STK32B: variants seen among roughly 807,000 people sequenced by gnomAD.
STK32B encodes serine/threonine kinase 32B, also known as serine/threonine-protein kinase 32B.
STK32B carries 43 observed loss-of-function variants against 52.6 expected under a neutral mutation model. The observed-to-expected ratio is 0.82, with a 90% CI of 0.64 to 1.05. STK32B has a LOEUF of 1.05. Ranked by LOEUF, STK32B falls within the 50% of genes least tolerant of loss-of-function variation. STK32B has a pLI of 0.00. For missense variants in STK32B, 621 were observed against 534.6 expected, an observed-to-expected ratio of 1.16 and a Z score of -1.59; for synonymous variants, 238 against 204.3, an observed-to-expected ratio of 1.17 and a Z score of -1.41.
chr4:5,248,886 G>T (rs1342331142), intron 3 of STK32B, among the ~76,000 whole-genome samples: 1 of 151,414 alleles, frequency 6.6e-6, no homozygotes, highest in African/African-American at 2.4e-5. Flanking sequence ...GAGAACACTT[G>T]GACGCAGGAA....
At chr4:5,388,056 T>C (rs1736369172) in intron 4 of STK32B, among the ~76,000 whole-genome samples, 1 of 152,204 alleles carries the variant, frequency 6.6e-6, no homozygotes, top group African/African-American at 2.4e-5. Context: ...CTTCTGCCAC[T>C]TTTTAACTAT....
chr4:5,291,160 G>T (rs187094971), intron 3 of STK32B, among the ~76,000 whole-genome samples: 279 of 152,094 alleles, frequency 1.8e-3, no homozygotes, highest in African/African-American at 6.2e-3. Flanking sequence ...TGTATCTCTT[G>T]CATGTCCATA....
At chr4:5,238,244 G>T (rs189204031) in intron 3 of STK32B, among the ~76,000 whole-genome samples, 1 of 152,120 alleles carries the variant, frequency 6.6e-6, no homozygotes, top group East Asian at 1.9e-4. Flanking sequence ...CTGTGGGAGA[G>T]GCTCCTTCCT....
chr4:5,493,502 A>G (rs1353469063), intron 11 of STK32B, among the ~76,000 whole-genome samples: 1 of 151,862 alleles, frequency 6.6e-6, no homozygotes, highest in Non-Finnish European at 1.5e-5. Flanking sequence ...GCAGTCTATC[A>G]ATTTTGTTGA....
At chr4:5,210,518 C>G (rs1722843778) in intron 3 of STK32B, among the ~76,000 whole-genome samples, 1 of 152,162 alleles carries the variant, frequency 6.6e-6, no homozygotes, top group Non-Finnish European at 1.5e-5. Context: ...CAAACCTGCA[C>G]TGTTGTACTT....
intron 6 of STK32B, among the ~76,000 whole-genome samples, chr4:5,421,781 C>T (rs1712671655): frequency 6.6e-6 from 1 of 152,220 alleles, no homozygotes; most frequent in Admixed American, 6.5e-5. Context: ...GACCTCGCTA[C>T]CTGCCTGTCT....
At chr4:5,061,092 C>G (rs1033191165) in intron 1 of STK32B, among the ~76,000 whole-genome samples, 2 of 152,084 alleles carry the variant, frequency 1.3e-5, no homozygotes, top group African/African-American at 2.4e-5. Context: ...TGACATTTTC[C>G]CCTTCTCCTT....
chr4:5,192,873 C>A (rs1218467982), intron 3 of STK32B, among the ~76,000 whole-genome samples: 1 of 152,208 alleles, frequency 6.6e-6, no homozygotes, highest in East Asian at 1.9e-4. Flanking sequence ...TGGCATCTCC[C>A]CTCCACCCAG....
In STK32B at chr4:5,248,652, A is replaced by C. The variant is rs61183548; in HGVS notation, c.260+80202A>C. Among the ~76,000 whole-genome samples the C allele has an allele frequency of 7.8e-3, 1,192 of 152,276 alleles. 9 individuals are homozygous for C. The highest frequency in any genetic ancestry group is 0.02 in the Admixed American group (309 of 15,298). On this transcript the variant is annotated intron_variant, in intron 3 of 11. Coordinates refer to ENST00000282908, the MANE Select transcript of STK32B (RefSeq NM_018401.3). ...AAAGATACTGTGCCTTACTATTCAC[A>C]ATAGCAAAGACTTGGAACCAACCCA...
At chr4:5,305,322 ACTTT>A (rs1729854396) in intron 3 of STK32B, among the ~76,000 whole-genome samples, 1 of 151,950 alleles carries the variant, frequency 6.6e-6, no homozygotes, top group African/African-American at 2.4e-5. Flanking sequence ...TTGGCCCTGC[ACTTT>A]CTTTCCTTGG....
chr4:5,130,973 A>C (rs1248450474), intron 1 of STK32B, among the ~76,000 whole-genome samples: 1 of 152,150 alleles, frequency 6.6e-6, no homozygotes. Context: ...TGGTCCCAAG[A>C]GGATGGAGTG....
chr4:5,381,107 G>A (rs1350030639), intron 4 of STK32B, among the ~76,000 whole-genome samples: 1 of 152,206 alleles, frequency 6.6e-6, no homozygotes, highest in Admixed American at 6.5e-5. Context: ...TTCGTCCACT[G>A]TATTTTAAGT....
intron 3 of STK32B, among the ~76,000 whole-genome samples, chr4:5,225,118 A>G (rs975184473): frequency 6.6e-6 from 1 of 152,170 alleles, no homozygotes; most frequent in African/African-American, 2.4e-5. Flanking sequence ...AATAATTACA[A>G]TTTTATAAAT....
At chr4:5,131,871 A>G (rs968513194) in intron 1 of STK32B, among the ~76,000 whole-genome samples, 1 of 152,224 alleles carries the variant, frequency 6.6e-6, no homozygotes, top group African/African-American at 2.4e-5. Flanking sequence ...CTGCTCCTCA[A>G]ATATAACTGT....
At chr4:5,052,032 A>G (rs1741809205) in intron 1 of STK32B, 117 bp downstream of exon 1, 1 of 1,455,146 alleles carries the variant, frequency 6.9e-7, no homozygotes, top group South Asian at 1.2e-5. Context: ...AGGCATGGCC[A>G]CTTCGCCCAG....
chr4:5,434,452 G>GTATATATATATA lies in STK32B; in HGVS notation c.563-12220_563-12219insATATATATATAT, dbSNP rs1182103278. ...CATGTATGTGTGTGTGTGTGTGTGT[G>GTATATATATATA]TGTATATATATATATATATATGATT... On this transcript the variant is annotated intron_variant, in intron 6 of 11. Transcript: ENST00000282908. Among the ~76,000 whole-genome samples, 598 of 143,116 alleles carry GTATATATATATA rather than the reference G, an allele frequency of 4.2e-3. 7 individuals are homozygous for GTATATATATATA. The highest frequency in any genetic ancestry group is 7.2e-3 in the Middle Eastern group (2 of 278). The allele number at this position is 143,116 out of a possible 152,430, so 93.9% of individuals were successfully genotyped here. A position where few individuals can be genotyped will look rare whatever the true frequency, so the allele number is the denominator to read the frequency against.
At chr4:5,214,523 C>T (rs749491720) in intron 3 of STK32B, among the ~76,000 whole-genome samples, 9 of 152,184 alleles carry the variant, frequency 5.9e-5, no homozygotes, top group African/African-American at 1.9e-4. Flanking sequence ...CCCCAGGCAC[C>T]TTCAGTGCCA....
chr4:5,489,616 T>C (rs1577055514), intron 11 of STK32B, among the ~76,000 whole-genome samples: 1 of 152,018 alleles, frequency 6.6e-6, no homozygotes, highest in Non-Finnish European at 1.5e-5. Context: ...TATTTTATTT[T>C]ATTTATTTTT....
chr4:5,127,049 A>G (rs1715406583), intron 1 of STK32B: 2 of 489,792 alleles, frequency 4.1e-6, no homozygotes, highest in Admixed American at 4.3e-5. Context: ...GCTGAGATAA[A>G]GGTGCCATGG....
Sources: gnomAD v4.1 joint callset for allele counts (sites outside exome capture counted in the v4.1 genomes callset) on GRCh38, gnomAD v4.1.1 for gene constraint, MANE v1.5 for transcripts, NCBI Gene and HGNC (gene_info 2026-07-23, HGNC 2026-07-21) for gene names.